The following MAGIX variants were observed in gnomAD, a reference collection of about 807,000 sequenced individuals.
The protein encoded by MAGIX is PDZ domain-containing protein MAGIX.
A neutral mutation model predicts 10.0 loss-of-function variants in MAGIX; 13 were observed. The observed-to-expected ratio is 1.30, with a 90% CI of 0.84 to 2.06. The LOEUF (loss-of-function observed/expected upper bound fraction) is 2.06. Among genes scored for constraint, MAGIX ranks in the 30% most tolerant of loss-of-function variants. The probability of loss-of-function intolerance (pLI) is 0.00; values close to 1 mark genes in which losing one functional copy is unlikely to be tolerated. For missense variants in MAGIX, 235 were observed against 245.2 expected (o/e 0.96, Z 0.28); for synonymous variants, 108 against 106.8 (o/e 1.01, Z -0.07).
intron 1 of MAGIX, 158 bp from the exon 2 acceptor site, chrX:49,163,625 C>A: frequency 4.5e-6 from 2 of 439,933 alleles, no homozygotes; most frequent in Non-Finnish European, 6.5e-6. Context: ...TCGGGGATCG[C>A]GTGAGGGGAG....
intron 1 of MAGIX, chrX:49,163,141 C>G (rs1602583092): frequency 3.5e-5 from 10 of 282,685 alleles, no homozygotes; most frequent in African/African-American, 5.8e-5. Flanking sequence ...GGGAAAGGGC[C>G]GCGCACCAGA....
At chrX:49,164,045 G>A in intron 2 of MAGIX, 116 bp downstream of exon 2, 1 of 727,506 alleles carries the variant, frequency 1.4e-6, no homozygotes, top group Non-Finnish European at 1.8e-6. Context: ...GCCAAGGGGC[G>A]CGACTTGGGG....
At chrX:49,166,117 G>A (rs1557097836) in exon 5 of MAGIX, 1 of 1,211,876 alleles carries the variant, frequency 8.3e-7, no homozygotes, top group East Asian at 3.0e-5. Flanking sequence ...GAGGGCCGGA[G>A]GTAACGGGGT....
At chrX:49,168,658 T>A (rs1362175719), downstream of MAGIX, among the ~76,000 whole-genome samples, 1 of 102,800 alleles carries the variant, frequency 9.7e-6, no homozygotes, top group Non-Finnish European at 2.0e-5. Flanking sequence ...ATGCCTGTAG[T>A]CCCAACTACT....
chrX:49,167,288 G>C (rs1046489900), exon 5 of MAGIX: 2 of 114,305 alleles, frequency 1.7e-5, no homozygotes, highest in Non-Finnish European at 3.7e-5. Flanking sequence ...TTCCCGGCAC[G>C]GGAGAGGCCC....
At chrX:49,165,510 C>G in intron 4 of MAGIX, 149 bp downstream of exon 5, 1 of 499,729 alleles carries the variant, frequency 2.0e-6, no homozygotes, top group Non-Finnish European at 3.1e-6. Context: ...CAAGTAGGGG[C>G]AGGGAGGGGT....
intron 1 of MAGIX, 21 bp from the exon 2 acceptor site, chrX:49,163,762 C>T (rs2065345318): frequency 2.9e-6 from 3 of 1,034,871 alleles, no homozygotes; most frequent in Admixed American, 4.9e-5. Context: ...TCGGCGTTGA[C>T]CTGTCCCCTC....
chrX:49,166,062 T>C lies in MAGIX; in HGVS notation c.503-12T>C. ...TTCCCTTCCCTACTTCACCACCCAATCTAATCCGTAGTCCCGTCATGGCCA... is the reference window on the plus strand; with the variant it reads ...TTCCCTTCCCTACTTCACCACCCAACCTAATCCGTAGTCCCGTCATGGCCA... On this transcript the variant is annotated splice_polypyrimidine_tract_variant and intron_variant, in intron 4 of 4. Coordinates refer to ENST00000616266, the Ensembl canonical transcript of MAGIX. The C allele has an allele frequency of 8.3e-7, 1 of 1,205,263 alleles. No homozygotes were observed. The highest frequency in any genetic ancestry group is 1.7e-5 in the African/African-American group (1 of 57,565).
At chrX:49,166,091 C>G in exon 5 of MAGIX, 1 of 1,211,167 alleles carries the variant, frequency 8.3e-7, no homozygotes, top group Admixed American at 2.2e-5. Flanking sequence ...ATGGCCAGAT[C>G]GCAGCCCAGA....
intron 1 of MAGIX, 188 bp from the exon 2 acceptor site, chrX:49,163,595 G>A: frequency 6.2e-6 from 2 of 321,947 alleles, no homozygotes; most frequent in Non-Finnish European, 1.0e-5. Flanking sequence ...AAGCGGGGGT[G>A]CACCGGCTAC....
intron 1 of MAGIX, chrX:49,162,910 C>A: frequency 1.2e-6 from 1 of 849,841 alleles, no homozygotes. Context: ...GCACAGGGGA[C>A]GCCGCGGACC....
At chrX:49,164,508 G>A in intron 2 of MAGIX, 199 bp from the exon 3 acceptor site, 1 of 491,314 alleles carries the variant, frequency 2.0e-6, no homozygotes, top group East Asian at 3.3e-5. Flanking sequence ...AGAAGGTGGG[G>A]TCAGAACAGT....
chrX:49,165,407 G>A, intron 4 of MAGIX, 46 bp downstream of exon 5: 1 of 1,078,207 alleles, frequency 9.3e-7, no homozygotes. Flanking sequence ...GAGGAGAAGG[G>A]AGAGGTTCAC....
chrX:49,162,904 AG>A, intron 1 of MAGIX: 2 of 892,373 alleles, frequency 2.2e-6, no homozygotes, highest in Non-Finnish European at 3.0e-6. Flanking sequence ...AGCCGCGCAC[AG>A]GGGACGCCGC....
At chrX:49,167,594 C>A (rs1383059105) in exon 5 of MAGIX, 1 of 112,765 alleles carries the variant, frequency 8.9e-6, no homozygotes, top group Non-Finnish European at 1.9e-5. Flanking sequence ...ACGGTGAAGA[C>A]AAGCTGCGAG....
chrX:49,166,011 G>T (rs782130918), intron 4 of MAGIX, 63 bp from the exon 6 acceptor site: 5 of 1,105,486 alleles, frequency 4.5e-6, no homozygotes, highest in Non-Finnish European at 6.2e-6. Context: ...GGGTTCTCCT[G>T]TCCATCCTCA....
exon 5 of MAGIX, chrX:49,167,224 G>A (rs909758366): frequency 8.8e-6 from 1 of 114,195 alleles, no homozygotes; most frequent in Non-Finnish European, 1.9e-5. Flanking sequence ...CCCATTTTCC[G>A]TACATGGTGA....
chrX:49,164,645 G>A, intron 2 of MAGIX, 62 bp from the exon 3 acceptor site: 2 of 1,001,947 alleles, frequency 2.0e-6, no homozygotes, highest in Non-Finnish European at 2.8e-6. Context: ...TCAGGGAACA[G>A]GTCCTAGGTA....
intron 1 of MAGIX, chrX:49,163,489 A>G (rs1557096692): frequency 5.1e-6 from 1 of 196,400 alleles, no homozygotes; most frequent in African/African-American, 3.0e-5. Context: ...TTGGGCATCC[A>G]GGGTGATTAG....
Sources: gnomAD v4.1 joint callset for allele counts (sites outside exome capture counted in the v4.1 genomes callset) on GRCh38, gnomAD v4.1.1 for gene constraint, MANE v1.5 for transcripts, NCBI Gene and HGNC (gene_info 2026-07-23, HGNC 2026-07-21) for gene names.